Variants in ARHGAP24 observed in about 807,000 individuals in gnomAD.
ARHGAP24 encodes rho GTPase-activating protein 24.
Under a neutral mutation model 76.4 loss-of-function variants are expected in ARHGAP24, and 50 were observed. The ratio of observed to expected loss-of-function variants is 0.65; its 90% CI spans 0.52 to 0.83. ARHGAP24 has a LOEUF of 0.83. ARHGAP24 is among the 40% of genes least tolerant of loss of function. The pLI, the probability that ARHGAP24 is intolerant of heterozygous loss-of-function variation, is 0.00. For missense variants in ARHGAP24, 930 were observed against 914.2 expected, an observed-to-expected ratio of 1.02 and a Z score of -0.22; for synonymous variants, 345 against 323.3, an observed-to-expected ratio of 1.07 and a Z score of -0.72.
chr4:85,972,502 A>C (rs539995997), intron 6 of ARHGAP24: 1 of 308,728 alleles, frequency 3.2e-6, no homozygotes, highest in African/African-American at 2.2e-5. Flanking sequence ...GTGTGGACCC[A>C]AACCACTTCA....
rs188179502 is a variant in ARHGAP24, at chr4:85,536,457, C to T, written c.-20-34065C>T. ...AGTAATATATACTATTTTTACTGTC[C>T]TTACCACTTATCTTTGACTTTGTTT... On this transcript the variant is annotated intron_variant, in intron 1 of 9. Coordinates refer to ENST00000395184, the MANE Select transcript of ARHGAP24 (RefSeq NM_001025616.3). Among the ~76,000 whole-genome samples the T allele has an allele frequency of 9.7e-3, 1,473 of 152,182 alleles. 12 individuals are homozygous for T. The highest frequency in any genetic ancestry group is 0.019 in the East Asian group (96 of 5,178).
chr4:85,641,996 G>A (rs1487728672), intron 2 of ARHGAP24, among the ~76,000 whole-genome samples: 1 of 152,130 alleles, frequency 6.6e-6, no homozygotes, highest in Non-Finnish European at 1.5e-5. Context: ...AACCCAGCAA[G>A]GCCTGTCCAT....
intron 4 of ARHGAP24, among the ~76,000 whole-genome samples, chr4:85,925,696 G>T (rs921159673): frequency 6.6e-6 from 1 of 152,024 alleles, no homozygotes; most frequent in Non-Finnish European, 1.5e-5. Flanking sequence ...GTATGTATAC[G>T]AAAAATATAG....
intron 2 of ARHGAP24, among the ~76,000 whole-genome samples, chr4:85,581,265 ATTGT>A (rs1727598849): frequency 6.6e-6 from 1 of 152,126 alleles, no homozygotes; most frequent in Non-Finnish European, 1.5e-5. Context: ...CTTCTGACTT[ATTGT>A]TTATGTTCAT....
At chr4:85,916,030 C>G (rs192854710) in intron 3 of ARHGAP24, among the ~76,000 whole-genome samples, 2 of 152,156 alleles carry the variant, frequency 1.3e-5, no homozygotes, top group Non-Finnish European at 2.9e-5. Context: ...AATTTACACT[C>G]CCACCAACAG....
chr4:85,794,500 C>T (rs1035750769), intron 3 of ARHGAP24, among the ~76,000 whole-genome samples: 8 of 151,414 alleles, frequency 5.3e-5, no homozygotes, highest in East Asian at 3.9e-4. Context: ...TATTTTTTTT[C>T]GAGACAGAGT....
At chr4:85,938,923 G>A (rs1008989330) in intron 4 of ARHGAP24, among the ~76,000 whole-genome samples, 3 of 151,958 alleles carry the variant, frequency 2.0e-5, no homozygotes, top group Non-Finnish European at 2.9e-5. Context: ...AGGTCAGAAA[G>A]CTAATAAATG....
intron 1 of ARHGAP24, among the ~76,000 whole-genome samples, chr4:85,476,414 A>G (rs1402587906): frequency 1.3e-5 from 2 of 152,060 alleles, no homozygotes; most frequent in African/African-American, 4.8e-5. Context: ...TTTCCAGCAC[A>G]TTTTATGTTA....
rs542580367 is a variant in ARHGAP24, at chr4:85,931,744, A to G, written c.391+7974A>G. ...TTAGAGAATACAAAATAGGTAAACT[A>G]AAATGTTTTCAGGAAAAGTTTATGG... is the stretch of plus-strand genomic sequence containing the variant. On this transcript the variant is annotated intron_variant, in intron 4 of 9. Transcript: ENST00000395184. Among the ~76,000 whole-genome samples, 3 of 152,352 alleles carry G rather than the reference A, an allele frequency of 2.0e-5. No homozygotes were observed. In the East Asian group the frequency reaches 5.8e-4, roughly 29 times the overall value.
chr4:85,495,271 G>A (rs1005200151), intron 1 of ARHGAP24, among the ~76,000 whole-genome samples: 8 of 151,118 alleles, frequency 5.3e-5, no homozygotes, highest in Admixed American at 1.3e-4. Context: ...AGGGTCAGAA[G>A]GAAGAGAGCG....
intron 2 of ARHGAP24, among the ~76,000 whole-genome samples, chr4:85,642,706 A>C (rs73833388): frequency 0.052 from 7,956 of 152,160 alleles, 668 homozygotes; most frequent in African/African-American, 0.18. Flanking sequence ...AGCCACTATC[A>C]TTTCTTACCT....
At chr4:85,703,935 G>A (rs984845265) in intron 2 of ARHGAP24, among the ~76,000 whole-genome samples, 2 of 151,900 alleles carry the variant, frequency 1.3e-5, no homozygotes, top group Non-Finnish European at 1.5e-5. Context: ...GCAGTCATCC[G>A]CTCCCCCACC....
chr4:85,597,369 G>A lies in ARHGAP24; in HGVS notation c.180+26648G>A, dbSNP rs114229617. Among the ~76,000 whole-genome samples, 647 of 152,070 alleles carry A rather than the reference G, an allele frequency of 4.3e-3. 4 individuals carry two copies. The highest frequency in any genetic ancestry group is 0.015 in the African/African-American group (603 of 41,482). ...GGGCTGACAGCTAAATGCTTACTTC[G>A]AGTTATGTGGTTACTTGAGAAAACC... On this transcript the variant is annotated intron_variant, in intron 2 of 9. Transcript: ENST00000395184.
intron 3 of ARHGAP24, among the ~76,000 whole-genome samples, chr4:85,837,090 T>C (rs1322839797): frequency 6.6e-6 from 1 of 152,260 alleles, no homozygotes; most frequent in Non-Finnish European, 1.5e-5. Flanking sequence ...AAAGGTAATA[T>C]TTATCTCTGA....
intron 2 of ARHGAP24, among the ~76,000 whole-genome samples, chr4:85,686,850 CT>C (rs1274452675): frequency 6.9e-6 from 1 of 144,814 alleles, no homozygotes; most frequent in African/African-American, 2.5e-5. Flanking sequence ...GTAAATTAGT[CT>C]TCTCTGCTTG....
chr4:85,732,035 T>C (rs1725430402), intron 3 of ARHGAP24, among the ~76,000 whole-genome samples: 1 of 152,252 alleles, frequency 6.6e-6, no homozygotes, highest in Admixed American at 6.5e-5. Flanking sequence ...TTCTTTGTGA[T>C]ATGGTTTTAA....
rs539923997 is a variant in ARHGAP24 at position 85,646,833 on chromosome 4, A to G, written c.181-75052A>G. Among the ~76,000 whole-genome samples the G allele has an allele frequency of 1.8e-3, 272 of 152,246 alleles. 2 individuals are homozygous for G. Among genetic ancestry groups the G allele is most frequent in the African/African-American group, 6.1e-3 (253 of 41,570 alleles). Reference sequence around the variant, plus strand: ...TATTTTTGAAAGTGTACTCCTTAATATGTGGTTTGATTTTAATTCAACCAA... The same window carrying G: ...TATTTTTGAAAGTGTACTCCTTAATGTGTGGTTTGATTTTAATTCAACCAA... On this transcript the variant is annotated intron_variant, in intron 2 of 9. Transcript: ENST00000395184.
chr4:85,649,024 TG>T (rs1431313868), intron 2 of ARHGAP24, among the ~76,000 whole-genome samples: 4 of 151,832 alleles, frequency 2.6e-5, no homozygotes. Flanking sequence ...TGTGTGTGTG[TG>T]TGTGTGTGTG....
intron 2 of ARHGAP24, among the ~76,000 whole-genome samples, chr4:85,697,924 A>T (rs1380473982): frequency 2.0e-5 from 3 of 152,248 alleles, no homozygotes; most frequent in Admixed American, 1.3e-4. Context: ...CAAAAACTTC[A>T]TAGAAATACT....
Sources: allele counts gnomAD v4.1 joint callset (sites outside exome capture counted in the v4.1 genomes callset), GRCh38; gene constraint gnomAD v4.1.1; transcripts MANE v1.5; gene names NCBI Gene and HGNC (gene_info 2026-07-23, HGNC 2026-07-21).